TSPEAR: variants seen among roughly 807,000 people sequenced by gnomAD.
The protein encoded by TSPEAR is thrombospondin-type laminin G domain and EAR repeat-containing protein.
A neutral mutation model predicts 71.6 loss-of-function variants in TSPEAR; 69 were observed. That is an observed-to-expected ratio of 0.96 (90% CI 0.79 to 1.18). TSPEAR has a LOEUF of 1.18. TSPEAR is among the 50% of genes most tolerant of loss of function. The probability of loss-of-function intolerance (pLI) is 0.00; values close to 1 mark genes in which losing one functional copy is unlikely to be tolerated. For synonymous variants in TSPEAR, 402 were observed against 387.2 expected, an observed-to-expected ratio of 1.04 and a Z score of -0.45; for missense variants, 971 against 894.9, an observed-to-expected ratio of 1.09 and a Z score of -1.09.
intron 1 of TSPEAR, among the ~76,000 whole-genome samples, chr21:44,569,583 G>A (rs1215919711): frequency 6.6e-6 from 1 of 152,204 alleles, no homozygotes; most frequent in Non-Finnish European, 1.5e-5. Flanking sequence ...ACATGCAGAT[G>A]GAGGGAGCAC....
intron 2 of TSPEAR, among the ~76,000 whole-genome samples, chr21:44,550,183 G>A (rs782121691): frequency 3.3e-5 from 5 of 152,240 alleles, no homozygotes; most frequent in Non-Finnish European, 7.3e-5. Flanking sequence ...GAGGGGAGCC[G>A]GACAGCAGAA....
At position 44,558,035 on chromosome 21, in the gene TSPEAR, A is replaced by G. The variant is rs781891022; in HGVS notation, c.303+9750T>C. Reference sequence around the variant, plus strand: ...GATGGCCCTGGAACAACTCTGGAGAAACGGGACCTGCCCGTCAGCAGCTGG... The same window carrying G: ...GATGGCCCTGGAACAACTCTGGAGAGACGGGACCTGCCCGTCAGCAGCTGG... On this transcript the variant is annotated intron_variant, in intron 2 of 11. Coordinates refer to ENST00000323084, the MANE Select transcript of TSPEAR (RefSeq NM_144991.3). 1.9e-6 allele frequency: 3 copies of G among 1,591,578 alleles called. No individual in the cohort carries two copies. In the Admixed American group the frequency reaches 5.1e-5, roughly 27 times the overall value.
Position 44,711,438 on chromosome 21 carries a change from C to T in TSPEAR, c.77G>A (p.Cys26Tyr). 3.1e-6 allele frequency: 5 copies of T among 1,603,560 alleles called. No individual in the cohort carries two copies. The highest frequency in any genetic ancestry group is 4.3e-6 in the Non-Finnish European group (5 of 1,175,578). ...TTCCCATGCCCCTGCCTTACCTGTG[C>T]AGGGCTCCCAACCCTGCGTGCCGTG... ...PGHGTQGWEP[C>Y]TDLRPLDILA... The change falls in exon 1 of 12, where the codon TGC (cysteine) becomes TAC (tyrosine). Residue 26 changes from cysteine to tyrosine, a missense_variant. Transcript: ENST00000323084. This position sits in a 1 kb window ranked among gnomAD's most constrained non-coding sequence, Gnocchi z 4.5.
chr21:44,656,580 C>CT (rs1166224057), intron 1 of TSPEAR, among the ~76,000 whole-genome samples: 1 of 152,024 alleles, frequency 6.6e-6, no homozygotes, highest in African/African-American at 2.4e-5. Context: ...TGAGAAGTGT[C>CT]TTTTTTTTCC....
chr21:44,689,481 G>A (rs1329710542), intron 1 of TSPEAR, among the ~76,000 whole-genome samples: 2 of 149,640 alleles, frequency 1.3e-5, no homozygotes, highest in African/African-American at 2.5e-5. Flanking sequence ...CAGCCTGGGC[G>A]ACAGAGCGAG....
At chr21:44,622,061 A>G (rs73907077) in intron 1 of TSPEAR, among the ~76,000 whole-genome samples, 6 of 152,170 alleles carry the variant, frequency 3.9e-5, no homozygotes, top group African/African-American at 1.4e-4. Flanking sequence ...ATATAACATA[A>G]GACTTAAATA....
chr21:44,637,769 A>G (rs1473454263), intron 1 of TSPEAR: 2 of 1,346,906 alleles, frequency 1.5e-6, no homozygotes, highest in Non-Finnish European at 2.0e-6. Flanking sequence ...CTTCGTGCCT[A>G]CCTGCTCCGA....
intron 1 of TSPEAR, chr21:44,627,543 T>C (rs1982917825): frequency 1.3e-6 from 2 of 1,583,904 alleles, no homozygotes; most frequent in Non-Finnish European, 1.7e-6. Context: ...GCCAACAGTC[T>C]AGCTACCAGC....
At chr21:44,538,356 G>T (rs770106762) in intron 2 of TSPEAR, among the ~76,000 whole-genome samples, 12 of 151,644 alleles carry the variant, frequency 7.9e-5, no homozygotes, top group Non-Finnish European at 1.3e-4. Context: ...CGCTGACTGT[G>T]TGCCCGCACC....
intron 2 of TSPEAR, chr21:44,540,237 TGA>T: frequency 6.4e-7 from 1 of 1,557,722 alleles, no homozygotes; most frequent in Admixed American, 1.8e-5. Flanking sequence ...AGTGTGTGAG[TGA>T]GTGTGTGAGC....
chr21:44,527,750 T>G (rs1483323910), intron 6 of TSPEAR, among the ~76,000 whole-genome samples: 1 of 152,200 alleles, frequency 6.6e-6, no homozygotes, highest in Non-Finnish European at 1.5e-5. Context: ...GTTTACATGT[T>G]GTGGGTTGTG....
At chr21:44,654,186 G>A in intron 1 of TSPEAR, 1 of 1,049,806 alleles carries the variant, frequency 9.5e-7, no homozygotes, top group East Asian at 2.4e-5. Flanking sequence ...ACAGTTTGCT[G>A]TGGGAGGATG....
intron 1 of TSPEAR, among the ~76,000 whole-genome samples, chr21:44,708,061 C>T (rs567795334): frequency 5.8e-5 from 8 of 137,034 alleles, no homozygotes; most frequent in East Asian, 2.2e-4. Context: ...CAGCACGAGG[C>T]GACAGAGATA....
intron 2 of TSPEAR, among the ~76,000 whole-genome samples, chr21:44,555,173 G>A (rs149323207): frequency 2.2e-4 from 33 of 152,268 alleles, no homozygotes; most frequent in African/African-American, 7.5e-4. Context: ...AACGTGAGGA[G>A]GAGCAAAACA....
At chr21:44,510,856 C>G (rs2052349785) in intron 9 of TSPEAR, 1 of 152,446 alleles carries the variant, frequency 6.6e-6, no homozygotes, top group East Asian at 1.9e-4. Context: ...CCCAGGACAC[C>G]TGGCGGCGCC....
At chr21:44,533,001 C>T (rs76061519) in intron 3 of TSPEAR, among the ~76,000 whole-genome samples, 4,423 of 152,310 alleles carry the variant, frequency 0.029, 244 homozygotes, top group African/African-American at 0.1. Flanking sequence ...CCGCTGCTGC[C>T]TGTTGTGATG....
chr21:44,654,052 G>A (rs981264491), intron 1 of TSPEAR, among the ~76,000 whole-genome samples: 17 of 152,216 alleles, frequency 1.1e-4, no homozygotes, highest in Admixed American at 6.5e-4. Context: ...CAGACAGTGC[G>A]GAGGGCCCTG....
chr21:44,704,841 G>A (rs1349398540), intron 1 of TSPEAR, among the ~76,000 whole-genome samples: 1 of 151,146 alleles, frequency 6.6e-6, no homozygotes, highest in African/African-American at 2.4e-5. Flanking sequence ...GCCCCGGCAC[G>A]CCATCCACGG....
chr21:44,634,874 G>A (rs1555936339), intron 1 of TSPEAR, among the ~76,000 whole-genome samples: 1 of 152,178 alleles, frequency 6.6e-6, no homozygotes. Flanking sequence ...AGGATGAAGA[G>A]AAACTGGAAT....
Sources: allele counts gnomAD v4.1 joint callset (sites outside exome capture counted in the v4.1 genomes callset), GRCh38; gene constraint gnomAD v4.1.1; non-coding constraint Gnocchi (gnomAD v3.1); transcripts MANE v1.5; gene names NCBI Gene and HGNC (gene_info 2026-07-23, HGNC 2026-07-21).